COL13A1: variants seen among roughly 807,000 people sequenced by gnomAD.
COL13A1 encodes the protein collagen alpha-1(XIII) chain.
A neutral mutation model predicts 130.9 loss-of-function variants in COL13A1; 89 were observed. That is an observed-to-expected ratio of 0.68 (90% CI 0.57 to 0.81). The LOEUF is 0.81. Ranked by LOEUF, COL13A1 falls within the 30% of genes least tolerant of loss-of-function variation. COL13A1 has a pLI of 0.00. For synonymous variants in COL13A1, 402 were observed against 341.6 expected (o/e 1.18, Z -1.95); for missense variants, 879 against 934.6 (o/e 0.94, Z 0.78).
chr10:69,852,106 G>A (rs1392369614), intron 2 of COL13A1, among the ~76,000 whole-genome samples: 1 of 151,990 alleles, frequency 6.6e-6, no homozygotes, highest in Non-Finnish European at 1.5e-5. Flanking sequence ...GGACTCTCTC[G>A]TGCCGCCTCT....
chr10:69,910,154 CCT>C (rs987662327), intron 17 of COL13A1, among the ~76,000 whole-genome samples: 2 of 152,112 alleles, frequency 1.3e-5, no homozygotes, highest in Admixed American at 6.5e-5. Context: ...GCCCATCAGT[CCT>C]CTCTTTTATT....
intron 2 of COL13A1, among the ~76,000 whole-genome samples, chr10:69,850,419 G>GCCGGGCACGGTGGCTCACGCCTGT (rs1160623911): frequency 1.4e-5 from 2 of 142,288 alleles, no homozygotes; most frequent in African/African-American, 5.2e-5. Context: ...GACATCAGGA[G>GCCGGGCACGGTGGCTCACGCCTGT]AGGACCTGGA....
intron 1 of COL13A1, among the ~76,000 whole-genome samples, chr10:69,814,989 C>A (rs1204332355): frequency 6.6e-6 from 1 of 152,174 alleles, no homozygotes; most frequent in Non-Finnish European, 1.5e-5. Flanking sequence ...ATAATTCAAC[C>A]CAAAATTGAT....
intron 2 of COL13A1, among the ~76,000 whole-genome samples, chr10:69,839,672 G>C (rs1233430562): frequency 1.3e-5 from 2 of 152,230 alleles, no homozygotes; most frequent in Admixed American, 1.3e-4. Context: ...CAGAGGTTGG[G>C]GAATGAGCAT....
chr10:69,958,268 C>T (rs564723139), intron 40 of COL13A1, among the ~76,000 whole-genome samples: 1 of 152,260 alleles, frequency 6.6e-6, no homozygotes, highest in Admixed American at 6.5e-5. Context: ...AAAAAATTTC[C>T]TCTTTAAAGT....
chr10:69,888,316 C>T lies in COL13A1; in HGVS notation c.562C>T (p.Leu188=), dbSNP rs370720868. The T allele has an allele frequency of 7.6e-5, 122 of 1,612,846 alleles. No individual in the cohort carries two copies. Among genetic ancestry groups the T allele is most frequent in the East Asian group, 4.2e-4 (19 of 44,872 alleles). ...GFPGFPGPIG[L]DGKPGHPGPK... is the part of the protein sequence containing the mutation. The stretch of plus-strand genomic sequence containing the variant: ...TTTCTGGTTTCAGGGTCCCATTGGG[C>T]TGGACGGCAAACCGGTAAGTGGACC... Residue 188 remains leucine, a synonymous_variant, in exon 9 of 41, where the codon CTG becomes TTG. Coordinates refer to ENST00000645393, the MANE Select transcript of COL13A1 (RefSeq NM_001368882.1).
chr10:69,890,243 C>T lies in COL13A1; in HGVS notation c.603+803C>T, dbSNP rs190729806. ...GGGAATGAGGGGCTGCGCACTCTCA[C>T]GGTGGGCCAGATCTCAGCAGGGACT... On this transcript the variant is annotated intron_variant, in intron 10 of 40. Transcript: ENST00000645393. Among the ~76,000 whole-genome samples, 159 of 152,346 alleles carry T rather than the reference C, an allele frequency of 1.0e-3. 1 individual carries two copies. The highest frequency in any genetic ancestry group is 6.6e-3 in the South Asian group (32 of 4,826).
intron 1 of COL13A1, among the ~76,000 whole-genome samples, chr10:69,817,623 G>A (rs986377768): frequency 6.6e-6 from 1 of 152,068 alleles, no homozygotes; most frequent in Non-Finnish European, 1.5e-5. Context: ...TGGGGTAGGA[G>A]GAGACGTTGG....
chr10:69,944,259 C>A, intron 36 of COL13A1, 81 bp downstream of exon 36: 1 of 1,179,462 alleles, frequency 8.5e-7, no homozygotes, highest in Non-Finnish European at 1.3e-6. Flanking sequence ...TCTCAGCCCT[C>A]ATGCCTTCCT....
rs2064041564 is a variant in COL13A1 at position 69,917,311 on chromosome 10, T to G, written c.944T>G (p.Met315Arg). The G allele has an allele frequency of 1.2e-6, 2 of 1,613,640 alleles. No homozygotes were observed. The highest frequency in any genetic ancestry group is 2.7e-5 in the African/African-American group (2 of 75,006). ...CAGGGAGAACGGGGCATGCCAGGGA[T>G]GCCAGGCAAGCATGGAGCCAAGGTA... ...GRKGERGMPGMPGKHGAKGAP... is the reference protein window; with the variant it reads ...GRKGERGMPGRPGKHGAKGAP... The change falls in exon 18 of 41, where the codon ATG (methionine) becomes AGG (arginine). Residue 315 changes from methionine to arginine, a missense_variant. Met to Arg is a moderately conservative substitution (Grantham distance 91, BLOSUM62 -1). Transcript: ENST00000645393.
intron 2 of COL13A1, among the ~76,000 whole-genome samples, chr10:69,840,327 C>T (rs569990762): frequency 1.6e-3 from 238 of 152,232 alleles, no homozygotes; most frequent in African/African-American, 5.0e-3. Context: ...CTCGGTGACT[C>T]GGGGTCCTTT....
At position 69,917,299 on chromosome 10, in the gene COL13A1, G is replaced by T; in HGVS notation, c.932G>T (p.Gly311Val). 1 of 1,613,670 alleles carries T rather than the reference G, an allele frequency of 6.2e-7. No individual in the cohort carries two copies. Among genetic ancestry groups the T allele is most frequent in the Non-Finnish European group, 8.5e-7 (1 of 1,179,740 alleles). ...CATTTCTTCCTCCAGGGAGAACGGGGCATGCCAGGGATGCCAGGCAAGCAT... is the reference window on the plus strand; with the variant it reads ...CATTTCTTCCTCCAGGGAGAACGGGTCATGCCAGGGATGCCAGGCAAGCAT... ...QGYHGRKGER[G>V]MPGMPGKHGA... Residue 311 changes from glycine (G) to valine (V), a missense_variant, in exon 18 of 41, where the codon GGC (glycine) becomes GTC (valine). Transcript: ENST00000645393.
chr10:69,820,900 C>G (rs554770766), intron 1 of COL13A1, among the ~76,000 whole-genome samples: 107 of 152,332 alleles, frequency 7.0e-4, no homozygotes, highest in Non-Finnish European at 1.3e-3. Flanking sequence ...AATCACTCTA[C>G]TTGCTCTGAA....
chr10:69,823,804 C>T (rs1263689755), intron 2 of COL13A1, among the ~76,000 whole-genome samples: 1 of 152,146 alleles, frequency 6.6e-6, no homozygotes, highest in African/African-American at 2.4e-5. Context: ...CCCTCCCTCC[C>T]TCTGGGCCCA....
At chr10:69,878,134 C>T (rs2059787949) in intron 6 of COL13A1, 69 bp downstream of exon 6, 5 of 698,322 alleles carry the variant, frequency 7.2e-6, no homozygotes, top group Non-Finnish European at 1.3e-5. Context: ...TGATGGGAGG[C>T]TCTCAGCCCT....
At chr10:69,916,248 C>T (rs1476940659) in intron 17 of COL13A1, among the ~76,000 whole-genome samples, 1 of 152,254 alleles carries the variant, frequency 6.6e-6, no homozygotes, top group African/African-American at 2.4e-5. Flanking sequence ...ACAGCAGTCA[C>T]ACCCAATGGG....
intron 38 of COL13A1, 31 bp from the exon 39 acceptor site, chr10:69,952,850 GT>G (rs753018113): frequency 7.6e-6 from 11 of 1,450,186 alleles, no homozygotes; most frequent in East Asian, 7.5e-5. Context: ...AAGTTTTGAT[GT>G]TTTTTTCTCG....
Position 69,950,845 on chromosome 10 carries a change from TTTTGTTTG to T in COL13A1, c.2059-2019_2059-2012del, listed in dbSNP as rs763368223. ...ATCTGGAAGAACATCAAAAATATTA[TTTTGTTTG>T]TTTGTTTGTTTGTTTGTGAGAGTCT... On this transcript the variant is annotated intron_variant, in intron 38 of 40. Coordinates refer to ENST00000645393, the MANE Select transcript of COL13A1 (RefSeq NM_001368882.1). 7.4e-4 allele frequency among the ~76,000 whole-genome samples: 112 copies of T among 152,212 alleles called. 1 individual carries two copies. The highest frequency in any genetic ancestry group is 2.5e-4 in the Non-Finnish European group (17 of 68,010).
chr10:69,868,131 A>C (rs2058709215), intron 3 of COL13A1, among the ~76,000 whole-genome samples: 1 of 151,996 alleles, frequency 6.6e-6, no homozygotes, highest in African/African-American at 2.4e-5. Flanking sequence ...AAAAAAAAAA[A>C]AAAAAAAAGC....
Sources: allele counts gnomAD v4.1 joint callset (sites outside exome capture counted in the v4.1 genomes callset), GRCh38; gene constraint gnomAD v4.1.1; transcripts MANE v1.5; gene names NCBI Gene and HGNC (gene_info 2026-07-23, HGNC 2026-07-21).